Variants in GLIS3 observed in about 807,000 individuals in gnomAD.
GLIS3 encodes the protein zinc finger protein GLIS3.
In GLIS3, 53 loss-of-function variants were observed where a neutral mutation model predicts 78.6. The ratio of observed to expected loss-of-function variants is 0.67; its 90% CI spans 0.54 to 0.85. The LOEUF is 0.85. Ranked by LOEUF, GLIS3 falls within the 40% of genes least tolerant of loss-of-function variation. The pLI, the probability that GLIS3 is intolerant of heterozygous loss-of-function variation, is 0.00. For synonymous variants in GLIS3, 684 were observed against 509.9 expected (o/e 1.34, Z -4.60); for missense variants, 1,703 against 1,231.1 (o/e 1.38, Z -5.74).
intron 2 of GLIS3, among the ~76,000 whole-genome samples, chr9:4,317,556 G>C (rs1236145956): frequency 6.6e-6 from 1 of 152,208 alleles, no homozygotes; most frequent in African/African-American, 2.4e-5. Flanking sequence ...ATGCTAAAGT[G>C]AGTATAAAAC....
intron 2 of GLIS3, among the ~76,000 whole-genome samples, chr9:4,259,963 G>C (rs1022981321): frequency 6.6e-6 from 1 of 152,210 alleles, no homozygotes; most frequent in Non-Finnish European, 1.5e-5. Context: ...CTTTGTCTTT[G>C]TGTAAGCCCT....
At chr9:4,313,475 G>A (rs1817394574) in intron 2 of GLIS3, among the ~76,000 whole-genome samples, 1 of 152,084 alleles carries the variant, frequency 6.6e-6, no homozygotes, top group Admixed American at 6.5e-5. Context: ...AGTTCTCTCA[G>A]CCAGACCATT....
At chr9:4,256,771 A>G (rs576139684) in intron 2 of GLIS3, among the ~76,000 whole-genome samples, 1 of 149,468 alleles carries the variant, frequency 6.7e-6, no homozygotes, top group East Asian at 2.0e-4. Flanking sequence ...AAAATTACAC[A>G]TTCACAAAAG....
At chr9:4,369,074 C>G in the GLIS3 span, among the ~76,000 whole-genome samples, 1 of 152,176 alleles carries the variant, frequency 6.6e-6, no homozygotes, top group Non-Finnish European at 1.5e-5. Context: ...AATCAGACCA[C>G]AAGTACTTAG....
chr9:4,208,624 G>A (rs1377692771), intron 2 of GLIS3, among the ~76,000 whole-genome samples: 8 of 152,222 alleles, frequency 5.3e-5, no homozygotes, highest in Admixed American at 5.2e-4. Flanking sequence ...TCTGTAAAGT[G>A]TGACTGAAAT....
At chr9:3,889,966 C>A (rs1197590371) in intron 7 of GLIS3, among the ~76,000 whole-genome samples, 1 of 152,088 alleles carries the variant, frequency 6.6e-6, no homozygotes, top group African/African-American at 2.4e-5. Context: ...AATATGAAAA[C>A]TAAATTTGAG....
chr9:4,418,948 A>C, the GLIS3 span, among the ~76,000 whole-genome samples: 4 of 152,326 alleles, frequency 2.6e-5, no homozygotes, highest in African/African-American at 9.6e-5. Flanking sequence ...GTGAAGTGCA[A>C]TCAACTCAAG....
At chr9:4,482,652 A>C in the GLIS3 span, among the ~76,000 whole-genome samples, 1 of 152,248 alleles carries the variant, frequency 6.6e-6, no homozygotes, top group African/African-American at 2.4e-5. Flanking sequence ...CTGATGTCTT[A>C]CTTTTTGTTT....
chr9:4,139,723 G>A (rs1285685985), intron 2 of GLIS3, among the ~76,000 whole-genome samples: 2 of 152,170 alleles, frequency 1.3e-5, no homozygotes, highest in Non-Finnish European at 2.9e-5. Flanking sequence ...CAGATCATCA[G>A]GCATTATAAT....
intron 2 of GLIS3, among the ~76,000 whole-genome samples, chr9:4,228,054 C>G (rs1055312740): frequency 1.3e-5 from 2 of 152,064 alleles, no homozygotes; most frequent in Non-Finnish European, 2.9e-5. Flanking sequence ...TCTCCCCATA[C>G]TTATAAGAAC....
At chr9:4,281,820 T>G (rs1827580867) in intron 2 of GLIS3, among the ~76,000 whole-genome samples, 2 of 152,202 alleles carry the variant, frequency 1.3e-5, no homozygotes, top group South Asian at 4.1e-4. Context: ...GTTAAAACTG[T>G]CAACCTCCTC....
At chr9:4,429,130 C>A in the GLIS3 span, among the ~76,000 whole-genome samples, 2 of 152,118 alleles carry the variant, frequency 1.3e-5, no homozygotes, top group Non-Finnish European at 2.9e-5. Context: ...AGCATTCAAC[C>A]TAATATTTCC....
At chr9:4,088,541 A>G (rs575042956) in intron 4 of GLIS3, among the ~76,000 whole-genome samples, 1 of 152,358 alleles carries the variant, frequency 6.6e-6, no homozygotes, top group Non-Finnish European at 1.5e-5. Flanking sequence ...GAAAGATTAC[A>G]AGTCAAAATT....
intron 7 of GLIS3, among the ~76,000 whole-genome samples, chr9:3,885,205 T>C (rs928710892): frequency 6.6e-6 from 1 of 152,188 alleles, no homozygotes; most frequent in African/African-American, 2.4e-5. Flanking sequence ...ATTGATCCAC[T>C]GCTAGGAAAA....
intron 6 of GLIS3, among the ~76,000 whole-genome samples, chr9:3,918,800 T>G (rs1297331645): frequency 2.0e-5 from 3 of 152,120 alleles, no homozygotes; most frequent in Non-Finnish European, 2.9e-5. Flanking sequence ...TATAATCAAT[T>G]TGAGTCACCC....
At chr9:4,332,993 T>G (rs919050577) in intron 2 of GLIS3, among the ~76,000 whole-genome samples, 1 of 152,244 alleles carries the variant, frequency 6.6e-6, no homozygotes, top group Non-Finnish European at 1.5e-5. Flanking sequence ...TTTATAGCAT[T>G]GAGTGCTTAC....
intron 2 of GLIS3, among the ~76,000 whole-genome samples, chr9:4,343,375 C>G (rs1817861112): frequency 6.6e-6 from 1 of 152,154 alleles, no homozygotes; most frequent in South Asian, 2.1e-4. Flanking sequence ...GATACTATCT[C>G]ACACCAGTCA....
At chr9:4,460,241 GA>G in the GLIS3 span, among the ~76,000 whole-genome samples, 1 of 152,072 alleles carries the variant, frequency 6.6e-6, no homozygotes, top group South Asian at 2.1e-4. Flanking sequence ...CAATTCCTAG[GA>G]AAAGAAAGAT....
the GLIS3 span, among the ~76,000 whole-genome samples, chr9:4,480,965 C>T: frequency 6.6e-6 from 1 of 152,012 alleles, no homozygotes; most frequent in Non-Finnish European, 1.5e-5. Context: ...AGTGGTCCTC[C>T]CACCTCAGCC....
Sources: gnomAD v4.1 joint callset for allele counts (sites outside exome capture counted in the v4.1 genomes callset) on GRCh38, gnomAD v4.1.1 for gene constraint, MANE v1.5 for transcripts, NCBI Gene and HGNC (gene_info 2026-07-23, HGNC 2026-07-21) for gene names.